ASTN2: variants seen among roughly 807,000 people sequenced by gnomAD.
ASTN2 encodes the protein astrotactin-2.
A neutral mutation model predicts 139.8 loss-of-function variants in ASTN2; 54 were observed. That is an observed-to-expected ratio of 0.39 (90% confidence interval 0.31 to 0.48). ASTN2 has a LOEUF of 0.48. Ranked by LOEUF, ASTN2 falls within the 20% of genes least tolerant of loss-of-function variation. The pLI is 0.95. For synonymous variants in ASTN2, 756 were observed against 719.5 expected (o/e 1.05, Z -0.81); for missense variants, 1,565 against 1,725.1 (o/e 0.91, Z 1.64).
At chr9:116,651,434 C>T (rs1857906886) in intron 17 of ASTN2, 94 bp downstream of exon 17, 3 of 1,382,664 alleles carry the variant, frequency 2.2e-6, no homozygotes, top group African/African-American at 1.4e-5. Flanking sequence ...TGATGATGAT[C>T]ATGATGACAA....
At chr9:116,961,600 A>G (rs865901074) in intron 10 of ASTN2, among the ~76,000 whole-genome samples, 6 of 152,132 alleles carry the variant, frequency 3.9e-5, no homozygotes, top group South Asian at 2.1e-4. Context: ...CTGTTGACAG[A>G]TAGTTGAGTT....
intron 1 of ASTN2, among the ~76,000 whole-genome samples, chr9:117,396,472 A>G (rs1003434821): frequency 6.6e-5 from 10 of 152,188 alleles, no homozygotes; most frequent in African/African-American, 2.2e-4. Context: ...TATATTTCTT[A>G]TAATTACAAA....
In ASTN2 at chr9:116,952,185, C is replaced by T. The variant is rs1244019967; in HGVS notation, c.1889+23023G>A. 3.9e-5 allele frequency among the ~76,000 whole-genome samples: 6 copies of T among 152,154 alleles called. No individual in the cohort carries two copies. The East Asian group carries it at 5.8e-4, about 15-fold the overall frequency. ...ATGATTTGAGAGTTGCAGAAAATAG[C>T]CCAACCACCACCACGACTTTATGAA... On this transcript the variant is annotated intron_variant, in intron 10 of 22. Coordinates refer to ENST00000313400, the MANE Select transcript of ASTN2 (RefSeq NM_001365068.1).
At chr9:116,797,469 A>G (rs1347711347) in intron 13 of ASTN2, among the ~76,000 whole-genome samples, 1 of 152,082 alleles carries the variant, frequency 6.6e-6, no homozygotes, top group Non-Finnish European at 1.5e-5. Context: ...GACTCCTCTA[A>G]TCCAGCCTCC....
At chr9:116,540,452 G>T (rs893592976) in intron 19 of ASTN2, 2 of 152,204 alleles carry the variant, frequency 1.3e-5, no homozygotes, top group Non-Finnish European at 2.9e-5. Flanking sequence ...CCCCAGAGAC[G>T]TGAAGATGCA....
intron 10 of ASTN2, among the ~76,000 whole-genome samples, chr9:116,963,375 G>A (rs1401104351): frequency 6.6e-6 from 1 of 152,202 alleles, no homozygotes; most frequent in African/African-American, 2.4e-5. Flanking sequence ...TGAGGACATG[G>A]TGGGAGATGA....
At chr9:117,392,463 T>C (rs1185785293) in intron 1 of ASTN2, among the ~76,000 whole-genome samples, 1 of 152,200 alleles carries the variant, frequency 6.6e-6, no homozygotes, top group East Asian at 1.9e-4. Flanking sequence ...TCTTTCTTCT[T>C]TGTTTTGTAC....
intron 1 of ASTN2, among the ~76,000 whole-genome samples, chr9:117,411,162 G>C (rs1271701105): frequency 6.6e-6 from 1 of 152,072 alleles, no homozygotes; most frequent in Non-Finnish European, 1.5e-5. Flanking sequence ...CTGGCAAATG[G>C]GAGTAACAGT....
At chr9:116,623,080 T>C (rs1440315620) in intron 17 of ASTN2, among the ~76,000 whole-genome samples, 2 of 151,378 alleles carry the variant, frequency 1.3e-5, no homozygotes, top group African/African-American at 2.4e-5. Context: ...CCCAGGGCCA[T>C]GGGTGAAAGT....
At chr9:116,565,803 T>G (rs567153676) in intron 19 of ASTN2, among the ~76,000 whole-genome samples, 1 of 152,230 alleles carries the variant, frequency 6.6e-6, no homozygotes, top group African/African-American at 2.4e-5. Flanking sequence ...TTTCTTTTTT[T>G]AAATGTTGGC....
At chr9:117,143,340 T>C (rs989847862) in intron 3 of ASTN2, among the ~76,000 whole-genome samples, 1 of 152,216 alleles carries the variant, frequency 6.6e-6, no homozygotes, top group African/African-American at 2.4e-5. Context: ...AGCTATAGCC[T>C]GCAGTATGAC....
At chr9:116,986,820 A>G (rs1161616634) in intron 7 of ASTN2, among the ~76,000 whole-genome samples, 1 of 152,210 alleles carries the variant, frequency 6.6e-6, no homozygotes, top group African/African-American at 2.4e-5. Flanking sequence ...CCCAGGCTGC[A>G]CTGACTCCCT....
Position 116,936,665 on chromosome 9 carries a change from T to TCCA in ASTN2, c.1889+38542_1889+38543insTGG, listed in dbSNP as rs1252339859. 1.1e-4 allele frequency among the ~76,000 whole-genome samples: 16 copies of TCCA among 152,294 alleles called. No homozygotes were observed. In the East Asian group the frequency reaches 3.1e-3, roughly 29 times the overall value. On this transcript the variant is annotated intron_variant, in intron 10 of 22. Coordinates refer to ENST00000313400, the MANE Select transcript of ASTN2 (RefSeq NM_001365068.1). ...TTCTCTCTTCCAGGAATTTTCAAGC[T>TCCA]GTAAAGTTTGGGTTTTCTGACAGCC...
intron 11 of ASTN2, among the ~76,000 whole-genome samples, chr9:116,854,800 T>A (rs552173287): frequency 6.6e-6 from 1 of 151,958 alleles, no homozygotes; most frequent in Admixed American, 6.6e-5. Flanking sequence ...TATAGGAGCC[T>A]GCCACCACGC....
At position 116,695,263 on chromosome 9, in the gene ASTN2, C is replaced by G. The variant is rs369919296; in HGVS notation, c.2806+30508G>C. ...GTAAAATAGGATAATAAAAATATTA[C>G]CACTTCATAGTGTCATCATGAAGAT... On this transcript the variant is annotated intron_variant, in intron 16 of 22. Coordinates refer to ENST00000313400, the MANE Select transcript of ASTN2 (RefSeq NM_001365068.1). Among the ~76,000 whole-genome samples the G allele has an allele frequency of 3.9e-5, 6 of 152,118 alleles. No homozygotes were observed. The East Asian group carries it at 1.2e-3, about 29-fold the overall frequency.
intron 6 of ASTN2, among the ~76,000 whole-genome samples, chr9:117,015,862 C>T (rs1588482544): frequency 6.6e-6 from 1 of 152,100 alleles, no homozygotes; most frequent in East Asian, 1.9e-4. Flanking sequence ...TGGTGTTATG[C>T]TAGTTATATA....
At chr9:116,580,982 C>T (rs1055607399) in intron 19 of ASTN2, among the ~76,000 whole-genome samples, 6 of 152,052 alleles carry the variant, frequency 3.9e-5, no homozygotes, top group African/African-American at 1.5e-4. Flanking sequence ...CCTTCTAATT[C>T]TGGGAGTGGA....
chr9:117,141,882 A>G (rs1830083860), intron 3 of ASTN2, among the ~76,000 whole-genome samples: 1 of 152,188 alleles, frequency 6.6e-6, no homozygotes, highest in South Asian at 2.1e-4. Context: ...GATCACTGAA[A>G]AGGGTCATCA....
In ASTN2 at chr9:117,402,536, A is replaced by G. The variant is rs563190379; in HGVS notation, c.442+11961T>C. Among the ~76,000 whole-genome samples, 23 of 152,274 alleles carry G rather than the reference A, an allele frequency of 1.5e-4. No homozygotes were observed. In the South Asian group the frequency reaches 4.4e-3, roughly 29 times the overall value. ...TTTAGGGGGCAAATCACACATCAAT[A>G]GTGTGATCCCAGACAAGAAGGAGAG... is the stretch of plus-strand genomic sequence containing the variant. On this transcript the variant is annotated intron_variant, in intron 1 of 22. Coordinates refer to ENST00000313400, the MANE Select transcript of ASTN2 (RefSeq NM_001365068.1).
Sources: gnomAD v4.1 joint callset for allele counts (sites outside exome capture counted in the v4.1 genomes callset) on GRCh38, gnomAD v4.1.1 for gene constraint, MANE v1.5 for transcripts, NCBI Gene and HGNC (gene_info 2026-07-23, HGNC 2026-07-21) for gene names.